Variants in CTNND2 observed in about 807,000 individuals in gnomAD.
CTNND2 encodes catenin delta 2, also known as catenin delta-2.
Under a neutral mutation model 144.4 loss-of-function variants are expected in CTNND2, and 22 were observed. The observed-to-expected ratio is 0.15, with a 90% CI of 0.11 to 0.22. The LOEUF is 0.22. CTNND2 is among the 10% of genes least tolerant of loss of function. The pLI is 1.00. For synonymous variants in CTNND2, 751 were observed against 695.6 expected (o/e 1.08, Z -1.25); for missense variants, 1,353 against 1,618.8 (o/e 0.84, Z 2.82).
At chr5:11,749,377 A>T (rs181177261) in intron 1 of CTNND2, among the ~76,000 whole-genome samples, 19 of 152,178 alleles carry the variant, frequency 1.2e-4, no homozygotes, top group African/African-American at 4.3e-4. Flanking sequence ...TCATTACCTA[A>T]TGCTGAGGTT....
chr5:11,590,765 C>T (rs1007338099), intron 2 of CTNND2, among the ~76,000 whole-genome samples: 2 of 149,688 alleles, frequency 1.3e-5, no homozygotes, highest in Admixed American at 6.7e-5. Flanking sequence ...ACTCCCTGCC[C>T]GCAAAAAAAC....
At chr5:11,534,351 C>T (rs1561525001) in intron 3 of CTNND2, among the ~76,000 whole-genome samples, 1 of 151,816 alleles carries the variant, frequency 6.6e-6, no homozygotes, top group Non-Finnish European at 1.5e-5. Flanking sequence ...GACAGTGGCT[C>T]ACACCTGTAA....
chr5:11,304,030 G>T (rs577773064), intron 9 of CTNND2, among the ~76,000 whole-genome samples: 5 of 152,036 alleles, frequency 3.3e-5, no homozygotes, highest in African/African-American at 4.8e-5. Context: ...GTAAGAGGTG[G>T]CTTTCACCTT....
At chr5:11,894,768 G>T (rs759732138) in intron 1 of CTNND2, among the ~76,000 whole-genome samples, 3 of 152,188 alleles carry the variant, frequency 2.0e-5, no homozygotes, top group African/African-American at 7.2e-5. Context: ...TGCCAAGCAC[G>T]ATTTAGATCC....
At chr5:11,041,100 T>C (rs1490676873) in intron 16 of CTNND2, among the ~76,000 whole-genome samples, 4 of 152,226 alleles carry the variant, frequency 2.6e-5, no homozygotes, top group Non-Finnish European at 2.9e-5. Flanking sequence ...CAGTAATTCA[T>C]TGATTACTGC....
intron 18 of CTNND2, among the ~76,000 whole-genome samples, chr5:11,002,707 C>T (rs1740081317): frequency 6.6e-6 from 1 of 152,156 alleles, no homozygotes; most frequent in South Asian, 2.1e-4. Flanking sequence ...TGGAAGACAA[C>T]TTTTAGAAAC....
chr5:11,350,349 C>G (rs1755199391), intron 8 of CTNND2, among the ~76,000 whole-genome samples: 1 of 151,598 alleles, frequency 6.6e-6, no homozygotes, highest in Non-Finnish European at 1.5e-5. Flanking sequence ...TTTGTTCATT[C>G]CTTGGAAAAT....
intron 10 of CTNND2, among the ~76,000 whole-genome samples, chr5:11,220,288 T>C (rs1216542489): frequency 1.7e-4 from 26 of 152,116 alleles, no homozygotes; most frequent in Non-Finnish European, 4.4e-5. Flanking sequence ...AGAAGGAAAC[T>C]GGCTTAAAAG....
At chr5:10,989,862 G>C (rs1738468568) in intron 19 of CTNND2, among the ~76,000 whole-genome samples, 1 of 152,160 alleles carries the variant, frequency 6.6e-6, no homozygotes, top group South Asian at 2.1e-4. Context: ...GATAAACATG[G>C]GTTGTTGCCA....
intron 3 of CTNND2, among the ~76,000 whole-genome samples, chr5:11,470,747 C>T (rs2149953475): frequency 6.6e-6 from 1 of 151,746 alleles, no homozygotes; most frequent in Middle Eastern, 3.4e-3. Context: ...TTGATGAGTA[C>T]TGGTCAAATG....
intron 1 of CTNND2, among the ~76,000 whole-genome samples, chr5:11,743,833 G>T (rs542083632): frequency 6.6e-6 from 1 of 152,248 alleles, no homozygotes; most frequent in Admixed American, 6.5e-5. Context: ...CAGGAGCAGT[G>T]GGAGGGTCAA....
chr5:11,772,279 T>G (rs1382450334), intron 1 of CTNND2, among the ~76,000 whole-genome samples: 1 of 152,204 alleles, frequency 6.6e-6, no homozygotes, highest in Non-Finnish European at 1.5e-5. Flanking sequence ...AAGTCGTATT[T>G]TTACACTTCG....
chr5:11,024,874 T>G (rs1230590486), intron 16 of CTNND2, among the ~76,000 whole-genome samples: 1 of 152,214 alleles, frequency 6.6e-6, no homozygotes, highest in African/African-American at 2.4e-5. Flanking sequence ...GTTAGTTTAT[T>G]TATAGATAAT....
At chr5:11,227,341 T>C (rs1464728858) in intron 10 of CTNND2, among the ~76,000 whole-genome samples, 1 of 152,188 alleles carries the variant, frequency 6.6e-6, no homozygotes, top group African/African-American at 2.4e-5. Flanking sequence ...GTAAAGAAAC[T>C]TGCTCAAGGT....
chr5:11,113,580 AG>A (rs1164402797), intron 13 of CTNND2, among the ~76,000 whole-genome samples: 1 of 152,214 alleles, frequency 6.6e-6, no homozygotes, highest in Non-Finnish European at 1.5e-5. Flanking sequence ...CAATTTTAGA[AG>A]GGGTGAAACA....
intron 2 of CTNND2, among the ~76,000 whole-genome samples, chr5:11,642,875 G>A (rs937407568): frequency 5.3e-5 from 8 of 152,148 alleles, no homozygotes; most frequent in Admixed American, 2.0e-4. Context: ...TTCTAATTGC[G>A]TGTAATATAT....
At chr5:11,336,909 C>G (rs1753789581) in intron 9 of CTNND2, among the ~76,000 whole-genome samples, 1 of 151,974 alleles carries the variant, frequency 6.6e-6, no homozygotes, top group Admixed American at 6.6e-5. Flanking sequence ...CAAGATTATC[C>G]CTAGAGGAAG....
intron 3 of CTNND2, among the ~76,000 whole-genome samples, chr5:11,457,449 C>T (rs75731999): frequency 2.4e-3 from 366 of 152,236 alleles, no homozygotes; most frequent in African/African-American, 7.7e-3. Context: ...TCACATTAAC[C>T]AATGACATCC....
intron 3 of CTNND2, among the ~76,000 whole-genome samples, chr5:11,442,395 G>A (rs989130253): frequency 1.3e-5 from 2 of 152,122 alleles, no homozygotes; most frequent in Admixed American, 1.3e-4. Context: ...TAGTGGTTCA[G>A]TATTATGAAA....
Sources: gnomAD v4.1 joint callset for allele counts (sites outside exome capture counted in the v4.1 genomes callset) on GRCh38, gnomAD v4.1.1 for gene constraint, MANE v1.5 for transcripts, NCBI Gene and HGNC (gene_info 2026-07-23, HGNC 2026-07-21) for gene names.